The following ANXA2 variants were observed in gnomAD, a reference collection of about 807,000 sequenced individuals.
ANXA2 encodes annexin II.
ANXA2 carries 28 observed loss-of-function variants against 47.3 expected under a neutral mutation model. The observed-to-expected ratio is 0.59, with a 90% CI of 0.44 to 0.81. ANXA2 has a LOEUF of 0.81. Among genes scored for constraint, ANXA2 ranks in the 40% least tolerant of loss-of-function variants. The pLI is 0.00. For synonymous variants in ANXA2, 172 were observed against 155.5 expected (o/e 1.11, Z -0.79); for missense variants, 384 against 414.3 (o/e 0.93, Z 0.64).
At chr15:60,380,991 G>A (rs182299797) in intron 3 of ANXA2, among the ~76,000 whole-genome samples, 9 of 151,940 alleles carry the variant, frequency 5.9e-5, no homozygotes, top group South Asian at 2.1e-4. Context: ...AACGTTAAGC[G>A]GGTTTTTCTA....
chr15:60,378,148 C>A (rs942445871), intron 3 of ANXA2, among the ~76,000 whole-genome samples: 2 of 152,056 alleles, frequency 1.3e-5, no homozygotes, highest in African/African-American at 4.8e-5. Flanking sequence ...TAGCATATAC[C>A]ATCCCATTTC....
At chr15:60,379,272 C>A (rs941429622) in intron 3 of ANXA2, among the ~76,000 whole-genome samples, 1 of 151,838 alleles carries the variant, frequency 6.6e-6, no homozygotes, top group African/African-American at 2.4e-5. Context: ...AGCGAAACTC[C>A]ATCTCAAAAA....
At chr15:60,362,858 C>A (rs2062535960) in intron 4 of ANXA2, 1 of 151,826 alleles carries the variant, frequency 6.6e-6, no homozygotes, top group Non-Finnish European at 1.5e-5. Flanking sequence ...CTTTGTTCTA[C>A]ATATATCTAA....
Position 60,347,337 on chromosome 15 carries a change from A to G in ANXA2, c.*293T>C. On this transcript the variant is annotated 3_prime_UTR_variant, in exon 13 of 13. Transcript: ENST00000451270. ...GCAGGGCCACAAAGTACGTGTTTCT[A>G]AAGTACAAATTCAGTTTATTCATCT... 4 of 434,188 alleles carry G rather than the reference A, an allele frequency of 9.2e-6. No homozygotes were observed. Among genetic ancestry groups the G allele is most frequent in the Non-Finnish European group, 1.7e-5 (4 of 240,280 alleles). 26.9% of individuals were successfully genotyped at this position (434,188 alleles called of 1,614,324 possible). A position where few individuals can be genotyped will look rare whatever the true frequency, so the allele number is the denominator to read the frequency against.
intron 11 of ANXA2, among the ~76,000 whole-genome samples, chr15:60,349,721 G>GGAAAGACAGAGAGAGAGAGA: frequency 7.0e-6 from 1 of 143,512 alleles, no homozygotes; most frequent in Admixed American, 7.1e-5. Context: ...AGAGAGAGAG[G>GGAAAGACAGAGAGAGAGAGA]GAAAGACAGA....
chr15:60,357,637 C>CA (rs1183145913), intron 5 of ANXA2, among the ~76,000 whole-genome samples: 1 of 152,108 alleles, frequency 6.6e-6, no homozygotes, highest in East Asian at 1.9e-4. Flanking sequence ...ACTAAAAATA[C>CA]AAAAAATTAG....
chr15:60,354,576 C>T (rs563357015), intron 7 of ANXA2, among the ~76,000 whole-genome samples: 2 of 142,352 alleles, frequency 1.4e-5, no homozygotes, highest in South Asian at 2.2e-4. Context: ...TCTGAGATCA[C>T]GCCACTGCAC....
rs190021018 is a variant in ANXA2, at chr15:60,361,475, C to G, written c.244-421G>C. ...GCCTCCTGGCAAGCAGATCTTGTGG[C>G]CTCCCGATATACTGTAAAAGACGTG... On this transcript the variant is annotated intron_variant, in intron 4 of 12. Coordinates refer to ENST00000451270, the MANE Select transcript of ANXA2 (RefSeq NM_004039.3). The G allele has an allele frequency of 3.6e-4, 68 of 188,718 alleles. 1 individual carries two copies. The highest frequency in any genetic ancestry group is 1.5e-3 in the African/African-American group (65 of 42,184). The allele number at this position is 188,718 out of a possible 1,614,324, so 11.7% of individuals were successfully genotyped here.
rs1446941502 is a variant in ANXA2 at position 60,347,393 on chromosome 15, G to T, written c.*237C>A. On this transcript the variant is annotated 3_prime_UTR_variant, in exon 13 of 13. Transcript: ENST00000451270. ...TGACACAGTACACAGGAGGCAAAGT[G>T]TTTCACATCATAGACTTCACTTCCA... 5 of 584,430 alleles carry T rather than the reference G, an allele frequency of 8.6e-6. No individual in the cohort carries two copies. Among genetic ancestry groups the T allele is most frequent in the Non-Finnish European group, 1.5e-5 (5 of 327,498 alleles). The allele number at this position is 584,430 out of a possible 1,614,324, so 36.2% of individuals were successfully genotyped here.
intron 11 of ANXA2, 54 bp from the exon 12 acceptor site, chr15:60,349,251 A>C (rs1013494099): frequency 1.1e-4 from 168 of 1,599,286 alleles, no homozygotes; most frequent in Non-Finnish European, 1.4e-4. Flanking sequence ...TCGTTAAAGA[A>C]AGCGTCTACA....
chr15:60,394,571 C>G (rs913633962), intron 1 of ANXA2: 1 of 152,182 alleles, frequency 6.6e-6, no homozygotes, highest in African/African-American at 2.4e-5. Flanking sequence ...TGGTGGTAGG[C>G]ACCTGTAATC....
chr15:60,361,177 T>TG (rs532451925), intron 4 of ANXA2, 123 bp from the exon 5 acceptor site: 2 of 698,890 alleles, frequency 2.9e-6, no homozygotes, highest in South Asian at 3.2e-5. Context: ...TCCGGAGTCT[T>TG]GGGTCAAACG....
intron 3 of ANXA2, chr15:60,374,338 T>C (rs1350652268): frequency 2.6e-6 from 1 of 389,542 alleles, no homozygotes; most frequent in Admixed American, 3.3e-5. Context: ...TGAAGGAACA[T>C]GCATAAAATG....
intron 3 of ANXA2, among the ~76,000 whole-genome samples, chr15:60,372,599 G>C (rs2062724811): frequency 6.6e-6 from 1 of 151,924 alleles, no homozygotes; most frequent in South Asian, 2.1e-4. Flanking sequence ...TTAACTTGTA[G>C]ATTTTGGTCC....
intron 9 of ANXA2, 50 bp from the exon 10 acceptor site, chr15:60,351,869 T>C: frequency 7.7e-7 from 1 of 1,300,654 alleles, no homozygotes; most frequent in Non-Finnish European, 1.1e-6. Context: ...TAGTCAAAGC[T>C]GTCAACGATC....
intron 1 of ANXA2, among the ~76,000 whole-genome samples, chr15:60,396,857 T>C (rs933872462): frequency 3.9e-5 from 6 of 152,218 alleles, no homozygotes; most frequent in Non-Finnish European, 7.3e-5. Flanking sequence ...ACTGCTCTTT[T>C]ACACACGCAC....
intron 3 of ANXA2, among the ~76,000 whole-genome samples, chr15:60,377,288 G>C (rs1265361104): frequency 1.3e-5 from 2 of 152,164 alleles, no homozygotes; most frequent in African/African-American, 2.4e-5. Flanking sequence ...CAAAAGGGTT[G>C]TTATCCTTTC....
chr15:60,386,632 A>C (rs1566948855), intron 1 of ANXA2: 1 of 152,518 alleles, frequency 6.6e-6, no homozygotes, highest in Non-Finnish European at 1.5e-5. Context: ...ATTTATGAGA[A>C]AGACGATGGA....
At chr15:60,391,647 A>G (rs1161398665) in intron 1 of ANXA2, among the ~76,000 whole-genome samples, 1 of 152,176 alleles carries the variant, frequency 6.6e-6, no homozygotes, top group Non-Finnish European at 1.5e-5. Context: ...CTTACTGAAA[A>G]CAACTACTCT....
Sources: allele counts gnomAD v4.1 joint callset (sites outside exome capture counted in the v4.1 genomes callset), GRCh38; gene constraint gnomAD v4.1.1; transcripts MANE v1.5; gene names NCBI Gene and HGNC (gene_info 2026-07-23, HGNC 2026-07-21).